The following CASQ2 variants were observed in gnomAD, a reference collection of about 807,000 sequenced individuals.
CASQ2 encodes the protein calsequestrin-2.
CASQ2 carries 49 observed loss-of-function variants against 46.5 expected under a neutral mutation model. The observed-to-expected ratio is 1.05, with a 90% CI of 0.84 to 1.34. The LOEUF is 1.34. Among genes scored for constraint, CASQ2 ranks in the 40% most tolerant of loss-of-function variants. The probability of loss-of-function intolerance (pLI) is 0.00; values close to 1 mark genes in which losing one functional copy is unlikely to be tolerated. For synonymous variants in CASQ2, 174 were observed against 168.5 expected, an observed-to-expected ratio of 1.03 and a Z score of -0.25; for missense variants, 486 against 481.3, an observed-to-expected ratio of 1.01 and a Z score of -0.09.
intron 2 of CASQ2, among the ~76,000 whole-genome samples, chr1:115,744,455 A>T (rs1229486094): frequency 2.0e-5 from 3 of 152,252 alleles, no homozygotes; most frequent in Admixed American, 2.0e-4. Flanking sequence ...GAAATAATAC[A>T]TGATGAAAGA....
intron 8 of CASQ2, among the ~76,000 whole-genome samples, chr1:115,713,460 C>T (rs1654608816): frequency 6.6e-6 from 1 of 152,168 alleles, no homozygotes; most frequent in Admixed American, 6.5e-5. Context: ...TGCCTCCTGG[C>T]AGGTGGAGGT....
chr1:115,717,805 T>C (rs1647216942), intron 8 of CASQ2, 35 bp downstream of exon 8: 5 of 1,496,540 alleles, frequency 3.3e-6, no homozygotes, highest in Non-Finnish European at 4.7e-6. Flanking sequence ...CAGTTCTTGC[T>C]AGAGCTGTAA....
chr1:115,700,996 G>A lies in CASQ2; in HGVS notation c.*245C>T, dbSNP rs1051283799. On this transcript the variant is annotated 3_prime_UTR_variant, in exon 11 of 11. Coordinates refer to ENST00000261448, the MANE Select transcript of CASQ2 (RefSeq NM_001232.4). ...TCCAGCAAAGAACAAGATCTGTTCC[G>A]TGACAGTCAAGACAGTCAACATGGG... 22 of 635,156 alleles carry A rather than the reference G, an allele frequency of 3.5e-5. No homozygotes were observed. The highest frequency in any genetic ancestry group is 9.3e-5 in the South Asian group (5 of 53,506). The allele number at this position is 635,156 out of a possible 1,614,324, so 39.3% of individuals were successfully genotyped here. A position where few individuals can be genotyped will look rare whatever the true frequency, so the allele number is the denominator to read the frequency against.
intron 8 of CASQ2, among the ~76,000 whole-genome samples, chr1:115,707,439 G>A (rs112609974): frequency 0.019 from 2,917 of 152,198 alleles, 87 homozygotes; most frequent in African/African-American, 0.065. Context: ...GACAAACACC[G>A]GAGACTGACA....
chr1:115,740,781 T>G lies in CASQ2; in HGVS notation c.367A>C (p.Ile123Leu). The G allele has an allele frequency of 1.2e-6, 2 of 1,613,790 alleles. No homozygotes were observed. Among genetic ancestry groups the G allele is most frequent in the Non-Finnish European group, 1.7e-6 (2 of 1,179,798 alleles). Reference sequence around the variant, plus strand: ...GCTGCAAACTCGCCATCAAACTCTATTGTGCGATCACCCTTAAGAATATAC... The same window carrying G: ...GCTGCAAACTCGCCATCAAACTCTAGTGTGCGATCACCCTTAAGAATATAC... ...SLYILKGDRT[I>L]EFDGEFAADV... is the part of the protein sequence containing the mutation. The change falls in exon 3 of 11, where the codon ATA becomes CTA. Residue 123 changes from isoleucine to leucine, a missense_variant. Coordinates refer to ENST00000261448, the MANE Select transcript of CASQ2 (RefSeq NM_001232.4).
chr1:115,725,495 G>A lies in CASQ2; in HGVS notation c.783+13C>T. On this transcript the variant is annotated intron_variant, in intron 7 of 10. Transcript: ENST00000261448. ...CATCTCTACAAGGCAAAGAGAGTTT[G>A]CCTCTTTCTTACCCATGTTTCAAAC... 1.2e-6 allele frequency: 2 copies of A among 1,605,224 alleles called. No homozygotes were observed. Among genetic ancestry groups the A allele is most frequent in the East Asian group, 2.3e-5 (1 of 44,436 alleles).
chr1:115,714,967 T>C (rs1450266165), intron 8 of CASQ2, among the ~76,000 whole-genome samples: 2 of 152,220 alleles, frequency 1.3e-5, no homozygotes, highest in East Asian at 3.8e-4. Flanking sequence ...AGCAGCAATC[T>C]CGGTCAAACA....
chr1:115,753,042 C>T (rs1485931697), intron 1 of CASQ2, among the ~76,000 whole-genome samples: 3 of 152,164 alleles, frequency 2.0e-5, no homozygotes, highest in Non-Finnish European at 4.4e-5. Flanking sequence ...GAGGGTCTCC[C>T]ATGAGGAAAC....
intron 4 of CASQ2, among the ~76,000 whole-genome samples, chr1:115,737,525 G>A (rs933910361): frequency 6.6e-6 from 1 of 152,094 alleles, no homozygotes; most frequent in African/African-American, 2.4e-5. Context: ...TACCTCACGG[G>A]GGCCATGCTG....
chr1:115,730,972 G>A (rs185523747), intron 5 of CASQ2, among the ~76,000 whole-genome samples: 2 of 152,246 alleles, frequency 1.3e-5, no homozygotes, highest in East Asian at 3.9e-4. Context: ...ACCAGGTGCA[G>A]TCATGCCTTC....
At chr1:115,718,139 G>A (rs542422897) in intron 7 of CASQ2, among the ~76,000 whole-genome samples, 5 of 152,212 alleles carry the variant, frequency 3.3e-5, no homozygotes, top group Non-Finnish European at 5.9e-5. Context: ...TTGCAAGACA[G>A]GAAAATACCA....
intron 8 of CASQ2, among the ~76,000 whole-genome samples, chr1:115,708,877 G>A (rs1043561807): frequency 6.6e-6 from 1 of 152,184 alleles, no homozygotes; most frequent in Non-Finnish European, 1.5e-5. Context: ...GTACAGCGTG[G>A]GGCAGCTCCT....
At chr1:115,707,022 T>C (rs1654385628) in intron 8 of CASQ2, among the ~76,000 whole-genome samples, 1 of 148,476 alleles carries the variant, frequency 6.7e-6, no homozygotes, top group African/African-American at 2.5e-5. Context: ...CGACCTCTAG[T>C]GGAGAAATAG....
intron 7 of CASQ2, among the ~76,000 whole-genome samples, chr1:115,720,929 A>G (rs191595012): frequency 1.3e-5 from 2 of 152,368 alleles, no homozygotes; most frequent in East Asian, 1.9e-4. Flanking sequence ...ATTAGAAAAT[A>G]TTAGGTATAC....
chr1:115,743,503 C>G (rs774259033), intron 2 of CASQ2, among the ~76,000 whole-genome samples: 6 of 152,178 alleles, frequency 3.9e-5, no homozygotes, highest in Non-Finnish European at 7.3e-5. Flanking sequence ...CTTGGCCTCC[C>G]AAAGTGCCCA....
chr1:115,717,966 C>A, intron 7 of CASQ2, 72 bp from the exon 8 acceptor site: 1 of 1,049,934 alleles, frequency 9.5e-7, no homozygotes, highest in Non-Finnish European at 1.5e-6. Flanking sequence ...GGGACAGGGA[C>A]TCAGAAGCTG....
intron 8 of CASQ2, among the ~76,000 whole-genome samples, chr1:115,713,568 T>C (rs1415368401): frequency 6.6e-6 from 1 of 152,096 alleles, no homozygotes; most frequent in African/African-American, 2.4e-5. Context: ...GGGAAGAAAG[T>C]GGTTGGGGCA....
At chr1:115,743,490 G>T (rs1648267028) in intron 2 of CASQ2, among the ~76,000 whole-genome samples, 1 of 151,418 alleles carries the variant, frequency 6.6e-6, no homozygotes, top group Non-Finnish European at 1.5e-5. Context: ...GCAATCCTCT[G>T]CCCTTGGCCT....
chr1:115,743,193 T>TTTTG lies in CASQ2; in HGVS notation c.319+1631_319+1634dup, dbSNP rs148000040. ...AAGAGACATCCCAAGCATTCTTTAT[T>TTTTG]TTTGTTTATTTATTTATTTATTTAT... On this transcript the variant is annotated intron_variant, in intron 2 of 10. Coordinates refer to ENST00000261448, the MANE Select transcript of CASQ2 (RefSeq NM_001232.4). 7.0e-3 allele frequency among the ~76,000 whole-genome samples: 1,026 copies of TTTTG among 147,430 alleles called. 4 individuals carry two copies. Among genetic ancestry groups the TTTTG allele is most frequent in the Middle Eastern group, 0.018 (5 of 284 alleles).
Sources: allele counts gnomAD v4.1 joint callset (sites outside exome capture counted in the v4.1 genomes callset), GRCh38; gene constraint gnomAD v4.1.1; transcripts MANE v1.5; gene names NCBI Gene and HGNC (gene_info 2026-07-23, HGNC 2026-07-21).